Variants in SLTM observed in about 807,000 individuals in gnomAD.
The protein encoded by SLTM is SAFB-like transcription modulator.
A neutral mutation model predicts 134.6 loss-of-function variants in SLTM; 43 were observed. The observed-to-expected ratio is 0.32, with a 90% CI of 0.25 to 0.41. The LOEUF (loss-of-function observed/expected upper bound fraction) is 0.41. Ranked by LOEUF, SLTM falls within the 10% of genes least tolerant of loss-of-function variation. The pLI is 1.00. For missense variants in SLTM, 1,055 were observed against 1,288.8 expected (o/e 0.82, Z 2.78); for synonymous variants, 424 against 432.3 (o/e 0.98, Z 0.24).
chr15:58,889,871 G>C (rs1403899284), intron 15 of SLTM: 8 of 350,274 alleles, frequency 2.3e-5, no homozygotes, highest in Non-Finnish European at 4.2e-5. Context: ...TGGAGACTAA[G>C]TGCCTTAAAA....
chr15:58,902,528 G>T (rs2035557485), intron 5 of SLTM, among the ~76,000 whole-genome samples: 1 of 151,560 alleles, frequency 6.6e-6, no homozygotes, highest in African/African-American at 2.4e-5. Flanking sequence ...TGGGACTACA[G>T]ATGTGTGCCA....
intron 5 of SLTM, among the ~76,000 whole-genome samples, chr15:58,904,211 A>G (rs1472578444): frequency 6.6e-6 from 1 of 151,978 alleles, no homozygotes; most frequent in Non-Finnish European, 1.5e-5. Flanking sequence ...GGGTTTCACC[A>G]TGTTGCCCAG....
At chr15:58,884,056 G>A (rs1285442052) in intron 19 of SLTM, among the ~76,000 whole-genome samples, 5 of 150,018 alleles carry the variant, frequency 3.3e-5, no homozygotes, top group African/African-American at 9.8e-5. Context: ...CTGAGATTGC[G>A]CCATTGCACT....
intron 2 of SLTM, among the ~76,000 whole-genome samples, chr15:58,918,365 G>T (rs143882393): frequency 6.6e-5 from 10 of 152,302 alleles, no homozygotes; most frequent in Non-Finnish European, 1.3e-4. Flanking sequence ...TCAGGGTAGA[G>T]GTTTAGCCGT....
intron 5 of SLTM, 37 bp downstream of exon 5, chr15:58,912,526 C>G (rs759507313): frequency 8.9e-6 from 14 of 1,568,994 alleles, no homozygotes; most frequent in Non-Finnish European, 1.1e-5. Context: ...CCCGTCCACC[C>G]ACAATATCGA....
chr15:58,909,583 G>A (rs1315373170), intron 5 of SLTM, among the ~76,000 whole-genome samples: 2 of 152,146 alleles, frequency 1.3e-5, no homozygotes, highest in Non-Finnish European at 2.9e-5. Context: ...CCCTAATTGG[G>A]TATGAATCAT....
intron 5 of SLTM, among the ~76,000 whole-genome samples, chr15:58,908,329 G>A (rs940333564): frequency 2.6e-5 from 4 of 151,976 alleles, no homozygotes; most frequent in Admixed American, 1.3e-4. Flanking sequence ...CCAAAGTACT[G>A]GGATTACAGG....
Position 58,887,244 on chromosome 15 carries a change from G to T in SLTM, c.2672C>A (p.Thr891Asn), listed in dbSNP as rs1444655866. 13 of 1,613,890 alleles carry T rather than the reference G, an allele frequency of 8.1e-6. No homozygotes were observed. Among genetic ancestry groups the T allele is most frequent in the Non-Finnish European group, 1.1e-5 (13 of 1,179,908 alleles). The change falls in exon 18 of 21, where the codon ACT becomes AAT. Residue 891 changes from threonine (T) to asparagine (N), a missense_variant. By Grantham distance (65) the Thr-to-Asn change is moderately conservative. Transcript: ENST00000380516. ...TSWKSEGSMSTDKRETRVERP... is the reference protein window; with the variant it reads ...TSWKSEGSMSNDKRETRVERP... ...CAGCTACCTTGTTTCCCGTTTGTCA[G>T]TGGACATGCTTCCTTCACTTTTCCA... is the stretch of plus-strand genomic sequence containing the variant.
intron 5 of SLTM, among the ~76,000 whole-genome samples, chr15:58,904,302 C>T (rs1206862671): frequency 1.4e-4 from 22 of 152,168 alleles, no homozygotes; most frequent in African/African-American, 5.3e-4. Context: ...TGAGCTGCCA[C>T]GCCCGGCCAA....
At chr15:58,886,129 A>AC (rs1192624273) in intron 19 of SLTM, among the ~76,000 whole-genome samples, 1 of 152,076 alleles carries the variant, frequency 6.6e-6, no homozygotes, top group East Asian at 1.9e-4. Context: ...ACACTCATCT[A>AC]CCTTTAGGAT....
At chr15:58,912,343 C>A (rs558825112) in intron 5 of SLTM, among the ~76,000 whole-genome samples, 2 of 152,252 alleles carry the variant, frequency 1.3e-5, no homozygotes, top group East Asian at 3.9e-4. Context: ...TCGTGAACCG[C>A]CCGCCTCGGC....
chr15:58,913,565 C>G lies in SLTM; in HGVS notation c.447G>C (p.Lys149Asn). The part of the protein sequence containing the change: ...SKELLSAEEN[K>N]RAHELIEAEG... ...CTGCCTCTATTAATTCATGAGCTCT[C>G]TTGTTTTCTTCTGCAGAGAGTAACT... The change falls in exon 4 of 21, where the codon AAG (lysine) becomes AAC (asparagine). Residue 149 changes from lysine to asparagine, a missense_variant. By Grantham distance (94) the Lys-to-Asn change is moderately conservative. Coordinates refer to ENST00000380516, the MANE Select transcript of SLTM (RefSeq NM_024755.4). 1 of 1,613,406 alleles carries G rather than the reference C, an allele frequency of 6.2e-7. No individual in the cohort carries two copies. The highest frequency in any genetic ancestry group is 8.5e-7 in the Non-Finnish European group (1 of 1,179,864).
chr15:58,911,353 G>A (rs1441823643), intron 5 of SLTM, among the ~76,000 whole-genome samples: 1 of 152,068 alleles, frequency 6.6e-6, no homozygotes, highest in Non-Finnish European at 1.5e-5. Flanking sequence ...CTACCCAGAG[G>A]AAATAACTGA....
At chr15:58,886,239 G>T (rs1325784763) in intron 19 of SLTM, among the ~76,000 whole-genome samples, 1 of 145,718 alleles carries the variant, frequency 6.9e-6, no homozygotes, top group Non-Finnish European at 1.5e-5. Flanking sequence ...GTGTGTGTGT[G>T]TGTGTGTGTG....
intron 10 of SLTM, 72 bp downstream of exon 10, chr15:58,894,361 C>G: frequency 6.5e-7 from 1 of 1,548,244 alleles, no homozygotes; most frequent in Non-Finnish European, 8.9e-7. Context: ...CTCCCTGCTA[C>G]TGTTAACAGC....
At chr15:58,906,169 T>C (rs190960263) in intron 5 of SLTM, among the ~76,000 whole-genome samples, 1 of 152,358 alleles carries the variant, frequency 6.6e-6, no homozygotes, top group African/African-American at 2.4e-5. Context: ...CTAAATGGTA[T>C]ATATGCACAG....
chr15:58,916,946 C>G lies in SLTM; in HGVS notation c.304G>C (p.Ala102Pro). 1 of 1,613,646 alleles carries G rather than the reference C, an allele frequency of 6.2e-7. No homozygotes were observed. Among genetic ancestry groups the G allele is most frequent in the Non-Finnish European group, 8.5e-7 (1 of 1,179,714 alleles). The change falls in exon 3 of 21, where the codon GCT (alanine) becomes CCT (proline). Residue 102 changes from alanine (A) to proline (P), a missense_variant. Physicochemically the swap from Ala to Pro is conservative, Grantham distance 27. This residue lies in a region of SLTM where 268 missense variants were observed against 284.3 expected (regional missense o/e 0.94). Coordinates refer to ENST00000380516, the MANE Select transcript of SLTM (RefSeq NM_024755.4). ...LSGDASVEDD[A>P]FIKDCELENQ... ...AATTAACACTTTACCTTGATAAAAG[C>G]ATCATCTTCCACAGAAGCATCTCCA...
intron 2 of SLTM, among the ~76,000 whole-genome samples, chr15:58,923,850 C>T (rs868454525): frequency 7.2e-6 from 1 of 137,984 alleles, no homozygotes. Context: ...GCTCTTCTTG[C>T]CCAGGCTGGA....
At chr15:58,920,773 C>G (rs1219179939) in intron 2 of SLTM, among the ~76,000 whole-genome samples, 1 of 151,836 alleles carries the variant, frequency 6.6e-6, no homozygotes, top group Non-Finnish European at 1.5e-5. Flanking sequence ...CTGGCCAACA[C>G]AGTGAACCCA....
Sources: gnomAD v4.1 joint callset for allele counts (sites outside exome capture counted in the v4.1 genomes callset) on GRCh38, gnomAD v4.1.1 for gene constraint, gnomAD v4.1.1 regional missense constraint, MANE v1.5 for transcripts, NCBI Gene and HGNC (gene_info 2026-07-23, HGNC 2026-07-21) for gene names.